ITPR1: variants seen among roughly 807,000 people sequenced by gnomAD.
ITPR1 encodes the protein inositol 1,4,5-trisphosphate-gated calcium channel ITPR1.
A neutral mutation model predicts 318.4 loss-of-function variants in ITPR1; 96 were observed. The observed-to-expected ratio is 0.30, with a 90% CI of 0.26 to 0.36. ITPR1 has a LOEUF of 0.36. Among genes scored for constraint, ITPR1 ranks in the 10% least tolerant of loss-of-function variants. The pLI is 1.00. For missense variants in ITPR1, 2,440 were observed against 3,460.2 expected, an observed-to-expected ratio of 0.71 and a Z score of 7.40; for synonymous variants, 1,312 against 1,289.9, an observed-to-expected ratio of 1.02 and a Z score of -0.37.
At chr3:4,552,085 T>C (rs1452776530) in intron 4 of ITPR1, among the ~76,000 whole-genome samples, 1 of 152,218 alleles carries the variant, frequency 6.6e-6, no homozygotes, top group Non-Finnish European at 1.5e-5. Context: ...ATTTGGATAA[T>C]TCTGATTGTG....
In ITPR1 at chr3:4,779,346, C is replaced by G. The variant is rs573406346; in HGVS notation, c.6292-204C>G. 2.5e-4 allele frequency among the ~76,000 whole-genome samples: 38 copies of G among 152,394 alleles called. No individual in the cohort carries two copies. Among genetic ancestry groups the G allele is most frequent in the African/African-American group, 7.0e-4 (29 of 41,596 alleles). The stretch of plus-strand genomic sequence containing the variant: ...GTGCCTCTTTGTCCGAAATCAGATT[C>G]TGCACACGTATCTGGGGTCTGAAGG... On this transcript the variant is annotated intron_variant, in intron 48 of 61. Coordinates refer to ENST00000649015, the MANE Select transcript of ITPR1 (RefSeq NM_001378452.1). The surrounding 1 kb of genome is among the most constrained non-coding windows in gnomAD (Gnocchi z 4.0).
chr3:4,559,367 A>G (rs1445321856), intron 4 of ITPR1, among the ~76,000 whole-genome samples: 4 of 152,226 alleles, frequency 2.6e-5, no homozygotes, highest in African/African-American at 7.2e-5. Flanking sequence ...AAAATTTTCA[A>G]GAAGTTTTAA....
intron 44 of ITPR1, 86 bp from the exon 45 acceptor site, chr3:4,766,444 T>C: frequency 8.7e-7 from 1 of 1,150,342 alleles, no homozygotes; most frequent in South Asian, 1.4e-5. Context: ...CAACTGGCTC[T>C]GATCTTCATT....
At chr3:4,571,950 A>AG (rs933755696) in intron 4 of ITPR1, among the ~76,000 whole-genome samples, 5 of 152,130 alleles carry the variant, frequency 3.3e-5, no homozygotes, top group African/African-American at 1.2e-4. Context: ...GTGTGGCTCA[A>AG]GCACCTACTA....
At chr3:4,778,034 GCT>G (rs1188597290) in intron 48 of ITPR1, among the ~76,000 whole-genome samples, 1 of 152,176 alleles carries the variant, frequency 6.6e-6, no homozygotes, top group Non-Finnish European at 1.5e-5. Flanking sequence ...TACTCAAACA[GCT>G]TAACGGAATG....
intron 31 of ITPR1, among the ~76,000 whole-genome samples, chr3:4,689,102 T>C (rs1428630276): frequency 6.6e-6 from 1 of 152,244 alleles, no homozygotes; most frequent in Non-Finnish European, 1.5e-5. Flanking sequence ...ACTCTATGCA[T>C]TGTCTTGTGT....
chr3:4,645,260 G>A lies in ITPR1; in HGVS notation c.625-127G>A, dbSNP rs191808059. 1.7e-3 allele frequency: 1,205 copies of A among 697,742 alleles called. 4 individuals carry two copies. The highest frequency in any genetic ancestry group is 2.6e-3 in the Non-Finnish European group (997 of 384,838). The allele number at this position is 697,742 out of a possible 1,614,324, so 43.2% of individuals were successfully genotyped here. A position where few individuals can be genotyped will look rare whatever the true frequency, so the allele number is the denominator to read the frequency against. On this transcript the variant is annotated intron_variant, in intron 8 of 61. Transcript: ENST00000649015. Reference sequence around the variant, plus strand: ...TTGCAGGTGCTGTGATTTTAGTGGCGTCAATCTTTAGAGTTTTTAGTCTCA... The same window carrying A: ...TTGCAGGTGCTGTGATTTTAGTGGCATCAATCTTTAGAGTTTTTAGTCTCA...
At chr3:4,708,358 C>T (rs2094802118) in intron 37 of ITPR1, among the ~76,000 whole-genome samples, 1 of 152,130 alleles carries the variant, frequency 6.6e-6, no homozygotes. Flanking sequence ...CCTATGAAAC[C>T]CTGCTCTTAT....
At chr3:4,756,184 G>T (rs1161121711) in intron 44 of ITPR1, among the ~76,000 whole-genome samples, 1 of 152,200 alleles carries the variant, frequency 6.6e-6, no homozygotes, top group East Asian at 1.9e-4. Context: ...AAAGGCTGGG[G>T]ATTACTTGAG....
chr3:4,804,070 C>T (rs2048405459), intron 54 of ITPR1, among the ~76,000 whole-genome samples: 1 of 152,150 alleles, frequency 6.6e-6, no homozygotes, highest in South Asian at 2.1e-4. Flanking sequence ...CGAGGTTTCA[C>T]CGTGTTGCCC....
intron 4 of ITPR1, among the ~76,000 whole-genome samples, chr3:4,611,261 T>C (rs1340191002): frequency 7.3e-6 from 1 of 137,762 alleles, no homozygotes; most frequent in African/African-American, 2.9e-5. Context: ...AAACTATATA[T>C]GTACAAAAAT....
intron 12 of ITPR1, among the ~76,000 whole-genome samples, chr3:4,656,851 C>T (rs1468038147): frequency 2.0e-5 from 3 of 152,218 alleles, no homozygotes; most frequent in Non-Finnish European, 2.9e-5. Context: ...AGGCTGTCAT[C>T]CTGCAAGGAT....
chr3:4,710,524 T>C lies in ITPR1; in HGVS notation c.4991+51T>C. ...TTCATTTGCCAGAACCTTGATGACC[T>C]CACAAAGCTTTTGTTCCCGAAGAAG... On this transcript the variant is annotated intron_variant, in intron 38 of 61. Transcript: ENST00000649015. This position sits in a 1 kb window ranked among gnomAD's most constrained non-coding sequence, Gnocchi z 4.2. 6.6e-7 allele frequency: 1 copy of C among 1,516,694 alleles called. No individual in the cohort carries two copies. Among genetic ancestry groups the C allele is most frequent in the Non-Finnish European group, 8.9e-7 (1 of 1,120,962 alleles). 94.0% of individuals were successfully genotyped at this position (1,516,694 alleles called of 1,614,324 possible).
intron 60 of ITPR1, among the ~76,000 whole-genome samples, chr3:4,829,502 ATAATTTTT>A (rs1467624721): frequency 1.3e-5 from 2 of 152,242 alleles, no homozygotes; most frequent in Non-Finnish European, 2.9e-5. Context: ...TAAAAGGATG[ATAATTTTT>A]TAATAAGAAA....
chr3:4,832,874 G>T (rs189682340), intron 60 of ITPR1, among the ~76,000 whole-genome samples: 3 of 152,308 alleles, frequency 2.0e-5, no homozygotes, highest in Non-Finnish European at 1.5e-5. Context: ...TGAGGCGAGG[G>T]GCAGAGATGC....
chr3:4,814,636 G>T, intron 58 of ITPR1, 74 bp downstream of exon 58: 2 of 1,368,750 alleles, frequency 1.5e-6, no homozygotes, highest in Non-Finnish European at 2.0e-6. Context: ...ATGCAGCGGT[G>T]TTGAGTGTAA....
At chr3:4,592,417 A>AT (rs201482448) in intron 4 of ITPR1, among the ~76,000 whole-genome samples, 1,902 of 152,232 alleles carry the variant, frequency 0.012, 45 homozygotes, top group African/African-American at 0.043. Context: ...TCGTGAGACC[A>AT]TTTTTTCTCT....
chr3:4,596,830 A>C (rs1242980489), intron 4 of ITPR1, among the ~76,000 whole-genome samples: 1 of 152,218 alleles, frequency 6.6e-6, no homozygotes, highest in Non-Finnish European at 1.5e-5. Flanking sequence ...CCCTGGGGGA[A>C]TAGGAATCTG....
chr3:4,613,130 C>T (rs1306433476), intron 4 of ITPR1, among the ~76,000 whole-genome samples: 4 of 152,108 alleles, frequency 2.6e-5, no homozygotes, highest in Admixed American at 2.0e-4. Context: ...GTAAGATGTA[C>T]GTTGGTTGGG....
Sources: allele counts gnomAD v4.1 joint callset (sites outside exome capture counted in the v4.1 genomes callset), GRCh38; gene constraint gnomAD v4.1.1; non-coding constraint Gnocchi (gnomAD v3.1); transcripts MANE v1.5; gene names NCBI Gene and HGNC (gene_info 2026-07-23, HGNC 2026-07-21).